Variants in ENOX1 observed in about 807,000 individuals in gnomAD.
The protein encoded by ENOX1 is candidate growth-related and time keeping constitutive hydroquinone (NADH) oxidase.
In ENOX1, 42 loss-of-function variants were observed where a neutral mutation model predicts 82.5. The ratio of observed to expected loss-of-function variants is 0.51; its 90% CI spans 0.40 to 0.66. The LOEUF is 0.66. ENOX1 is among the 30% of genes least tolerant of loss of function. The pLI, the probability that ENOX1 is intolerant of heterozygous loss-of-function variation, is 0.00. For synonymous variants in ENOX1, 271 were observed against 282.2 expected, an observed-to-expected ratio of 0.96 and a Z score of 0.40; for missense variants, 608 against 811.6, an observed-to-expected ratio of 0.75 and a Z score of 3.05.
chr13:43,315,966 C>T (rs559606549), intron 11 of ENOX1, among the ~76,000 whole-genome samples: 109 of 152,308 alleles, frequency 7.2e-4, no homozygotes, highest in Middle Eastern at 3.4e-3. Flanking sequence ...ACACAGGCGG[C>T]GGTGCAGTGA....
At chr13:43,485,921 C>T (rs767727004) in intron 2 of ENOX1, among the ~76,000 whole-genome samples, 2 of 152,064 alleles carry the variant, frequency 1.3e-5, no homozygotes, top group Non-Finnish European at 2.9e-5. Flanking sequence ...ACAAAAAATA[C>T]AAAAATTGGC....
intron 2 of ENOX1, among the ~76,000 whole-genome samples, chr13:43,603,632 G>T (rs1437775080): frequency 6.9e-6 from 1 of 144,222 alleles, no homozygotes; most frequent in Non-Finnish European, 1.5e-5. Flanking sequence ...GTGAGAATAT[G>T]CGGTGTTTGG....
chr13:43,766,644 A>G (rs1951290314), intron 1 of ENOX1, among the ~76,000 whole-genome samples: 1 of 152,226 alleles, frequency 6.6e-6, no homozygotes, highest in Non-Finnish European at 1.5e-5. Flanking sequence ...TTTTAAGGTG[A>G]CAAATAATTA....
At chr13:43,469,406 G>C (rs2057887651) in intron 3 of ENOX1, among the ~76,000 whole-genome samples, 1 of 151,952 alleles carries the variant, frequency 6.6e-6, no homozygotes, top group Middle Eastern at 3.2e-3. Flanking sequence ...ATAAAGAATA[G>C]TGGTCTACAG....
intron 5 of ENOX1, among the ~76,000 whole-genome samples, chr13:43,367,268 G>C (rs996982850): frequency 2.0e-5 from 3 of 152,192 alleles, no homozygotes; most frequent in Admixed American, 6.5e-5. Flanking sequence ...TGTAAGAGTT[G>C]ACTTGTGTCC....
chr13:43,288,260 A>G (rs990687809), intron 12 of ENOX1, among the ~76,000 whole-genome samples: 3 of 152,202 alleles, frequency 2.0e-5, no homozygotes, highest in African/African-American at 4.8e-5. Context: ...AGAGATGTAC[A>G]TGTTTTAAGA....
chr13:43,238,706 A>C (rs1420430833), intron 14 of ENOX1, among the ~76,000 whole-genome samples: 1 of 152,170 alleles, frequency 6.6e-6, no homozygotes, highest in East Asian at 1.9e-4. Context: ...ACAAAAAATG[A>C]ACCCTGGAGC....
At chr13:43,605,977 C>T (rs1193538278) in intron 2 of ENOX1, among the ~76,000 whole-genome samples, 1 of 151,912 alleles carries the variant, frequency 6.6e-6, no homozygotes, top group Non-Finnish European at 1.5e-5. Flanking sequence ...TCTAATAATC[C>T]AATTAAAAAA....
intron 1 of ENOX1, among the ~76,000 whole-genome samples, chr13:43,720,861 A>T (rs1465677972): frequency 6.6e-6 from 1 of 152,190 alleles, no homozygotes; most frequent in Non-Finnish European, 1.5e-5. Context: ...TTTATGACTA[A>T]GTAGTGAGTA....
intron 1 of ENOX1, among the ~76,000 whole-genome samples, chr13:43,676,614 C>G (rs747789339): frequency 7.2e-5 from 11 of 152,086 alleles, no homozygotes; most frequent in Non-Finnish European, 1.3e-4. Flanking sequence ...CTGCTTTTCT[C>G]TAATAATATT....
chr13:43,272,463 T>G (rs1313209190), intron 12 of ENOX1, among the ~76,000 whole-genome samples: 4 of 152,216 alleles, frequency 2.6e-5, no homozygotes. Flanking sequence ...GCTGCTGTGC[T>G]CTACTGAATA....
chr13:43,685,398 T>A (rs1253913738), intron 1 of ENOX1, among the ~76,000 whole-genome samples: 1 of 152,134 alleles, frequency 6.6e-6, no homozygotes, highest in Non-Finnish European at 1.5e-5. Flanking sequence ...AGTATGGCAT[T>A]TCTCAGGGGA....
chr13:43,328,404 A>G (rs1040541335), intron 9 of ENOX1, among the ~76,000 whole-genome samples: 5 of 152,228 alleles, frequency 3.3e-5, no homozygotes, highest in Non-Finnish European at 1.5e-5. Flanking sequence ...TTATAATAAC[A>G]TAGCTCTTTG....
At position 43,356,032 on chromosome 13, in the gene ENOX1, C is replaced by A. The variant is rs913574313; in HGVS notation, c.710G>T (p.Arg237Leu). Residue 237 changes from arginine (R) to leucine (L), a missense_variant, in exon 8 of 17, where the codon CGG (arginine) becomes CTG (leucine). Transcript: ENST00000690772. Reference sequence around the variant, plus strand: ...CAGCTTGCGCCGGTGCCGCTCCTCCCGGGCACGCATCCTCTGCTTGCATTC... The same window carrying A: ...CAGCTTGCGCCGGTGCCGCTCCTCCAGGGCACGCATCCTCTGCTTGCATTC... ...EWECKQRMRAREERHRRKLEE... is the reference protein window; with the variant it reads ...EWECKQRMRALEERHRRKLEE... The A allele has an allele frequency of 5.6e-6, 9 of 1,614,050 alleles. No individual in the cohort carries two copies. Among genetic ancestry groups the A allele is most frequent in the Non-Finnish European group, 7.6e-6 (9 of 1,180,058 alleles).
intron 1 of ENOX1, among the ~76,000 whole-genome samples, chr13:43,681,686 A>AACACACACAC (rs3044219): frequency 4.9e-4 from 66 of 135,340 alleles, no homozygotes; most frequent in East Asian, 8.8e-4. Flanking sequence ...ATAATGCATA[A>AACACACACAC]ACACACACAC....
At position 43,742,172 on chromosome 13, in the gene ENOX1, T is replaced by G. The variant is rs533977338; in HGVS notation, c.-285+44480A>C. The stretch of plus-strand genomic sequence containing the variant: ...GGGCTTGCCAGAGAAAAGGAACCAA[T>G]AGATATATAGAGACATATAGAAAGA... On this transcript the variant is annotated intron_variant, in intron 1 of 16. Coordinates refer to ENST00000690772, the MANE Select transcript of ENOX1 (RefSeq NM_001347969.2). Among the ~76,000 whole-genome samples the G allele has an allele frequency of 1.4e-4, 21 of 152,072 alleles. No homozygotes were observed. In the South Asian group the frequency reaches 4.4e-3, roughly 32 times the overall value.
chr13:43,424,121 T>C (rs922742508), intron 3 of ENOX1, among the ~76,000 whole-genome samples: 1 of 152,226 alleles, frequency 6.6e-6, no homozygotes, highest in Non-Finnish European at 1.5e-5. Context: ...TAATTTTGTA[T>C]GCATACACAG....
rs530362938 is a variant in ENOX1, at chr13:43,678,000, C to T, written c.-284-10456G>A. Reference sequence around the variant, plus strand: ...TTCACTAATTTAGACTTCACTAATTCGGAATTGGTGAGGCAATAAAACATC... The same window carrying T: ...TTCACTAATTTAGACTTCACTAATTTGGAATTGGTGAGGCAATAAAACATC... On this transcript the variant is annotated intron_variant, in intron 1 of 16. Coordinates refer to ENST00000690772, the MANE Select transcript of ENOX1 (RefSeq NM_001347969.2). 5.3e-5 allele frequency among the ~76,000 whole-genome samples: 8 copies of T among 152,106 alleles called. No homozygotes were observed. The South Asian group carries it at 8.3e-4, about 16-fold the overall frequency.
chr13:43,771,822 T>C (rs985970085), intron 1 of ENOX1, among the ~76,000 whole-genome samples: 2 of 151,842 alleles, frequency 1.3e-5, no homozygotes, highest in Admixed American at 1.3e-4. Context: ...TGGAGTGCAG[T>C]GGCGCCATCT....
Sources: gnomAD v4.1 joint callset for allele counts (sites outside exome capture counted in the v4.1 genomes callset) on GRCh38, gnomAD v4.1.1 for gene constraint, MANE v1.5 for transcripts, NCBI Gene and HGNC (gene_info 2026-07-23, HGNC 2026-07-21) for gene names.